The following NRXN3 variants were observed in gnomAD, a reference collection of about 807,000 sequenced individuals.
The protein encoded by NRXN3 is neurexin 3, also known as neurexin III.
A neutral mutation model predicts 137.6 loss-of-function variants in NRXN3; 32 were observed. The observed-to-expected ratio is 0.23, with a 90% CI of 0.18 to 0.31. NRXN3 has a LOEUF of 0.31. Ranked by LOEUF, NRXN3 falls within the 10% of genes least tolerant of loss-of-function variation. The probability of loss-of-function intolerance (pLI) is 1.00; values close to 1 mark genes in which losing one functional copy is unlikely to be tolerated. For missense variants in NRXN3, 1,574 were observed against 2,062.5 expected (o/e 0.76, Z 4.59); for synonymous variants, 798 against 784.5 (o/e 1.02, Z -0.29).
chr14:79,019,253 G>T (rs2938031), intron 15 of NRXN3, among the ~76,000 whole-genome samples: 3,373 of 152,220 alleles, frequency 0.022, 115 homozygotes, highest in African/African-American at 0.077. Flanking sequence ...ATGCATAGAA[G>T]ATGCCTATTC....
chr14:79,076,274 A>T (rs554727030), intron 15 of NRXN3, among the ~76,000 whole-genome samples: 1 of 152,232 alleles, frequency 6.6e-6, no homozygotes, highest in East Asian at 1.9e-4. Context: ...ATTGCTGCAT[A>T]ACAAATAACT....
intron 15 of NRXN3, among the ~76,000 whole-genome samples, chr14:79,100,405 A>G (rs1727369464): frequency 1.3e-5 from 2 of 152,246 alleles, no homozygotes; most frequent in African/African-American, 4.8e-5. Flanking sequence ...ATACTTCTCT[A>G]GCTTTGCAAT....
chr14:78,839,205 G>A (rs1249574116), intron 10 of NRXN3, among the ~76,000 whole-genome samples: 8 of 152,152 alleles, frequency 5.3e-5, no homozygotes, highest in Admixed American at 1.3e-4. Flanking sequence ...GGAGCATCAC[G>A]AAAGGCTTTG....
At chr14:79,608,461 G>A (rs542180779) in intron 16 of NRXN3, among the ~76,000 whole-genome samples, 4 of 152,322 alleles carry the variant, frequency 2.6e-5, no homozygotes, top group African/African-American at 9.6e-5. Flanking sequence ...GTGTTGTGAA[G>A]TGTCATCTTC....
chr14:79,318,829 T>C (rs2089431076), intron 15 of NRXN3, among the ~76,000 whole-genome samples: 1 of 152,226 alleles, frequency 6.6e-6, no homozygotes, highest in Non-Finnish European at 1.5e-5. Context: ...ATACTCATAT[T>C]AAATTTTTAT....
chr14:78,205,581 A>G (rs957677808), intron 1 of NRXN3, among the ~76,000 whole-genome samples: 2 of 152,252 alleles, frequency 1.3e-5, no homozygotes, highest in Admixed American at 6.5e-5. Context: ...CCAAGAGGGT[A>G]AAGAGGAGTA....
chr14:79,045,898 C>T (rs956548101), intron 15 of NRXN3, among the ~76,000 whole-genome samples: 2 of 152,104 alleles, frequency 1.3e-5, no homozygotes, highest in Admixed American at 6.5e-5. Context: ...TAAAAACTCC[C>T]AAGTGATGCT....
intron 5 of NRXN3, among the ~76,000 whole-genome samples, chr14:78,650,628 T>A (rs2097731797): frequency 6.6e-6 from 1 of 151,596 alleles, no homozygotes; most frequent in African/African-American, 2.4e-5. Flanking sequence ...CCTGAATGCA[T>A]GTTTGTCAGC....
At position 79,750,360 on chromosome 14, in the gene NRXN3, A is replaced by G. The variant is rs901024393; in HGVS notation, c.4014+52423A>G. 4.6e-5 allele frequency among the ~76,000 whole-genome samples: 7 copies of G among 152,156 alleles called. 1 individual carries two copies. Among genetic ancestry groups the G allele is most frequent in the African/African-American group, 2.4e-5 (1 of 41,444 alleles). On this transcript the variant is annotated intron_variant, in intron 19 of 20. Transcript: ENST00000335750. ...ACTGGTTAGCATTTTTTAAGTAATT[A>G]TGTGCTCAACTATGTCCTTATATTT... is the stretch of plus-strand genomic sequence containing the variant.
At chr14:78,853,089 T>G (rs2099047316) in intron 10 of NRXN3, among the ~76,000 whole-genome samples, 1 of 152,160 alleles carries the variant, frequency 6.6e-6, no homozygotes, top group South Asian at 2.1e-4. Context: ...CTATTATACT[T>G]TAAGTTTTAG....
At chr14:79,446,722 A>C (rs1383546086) in intron 15 of NRXN3, among the ~76,000 whole-genome samples, 3 of 152,128 alleles carry the variant, frequency 2.0e-5, no homozygotes, top group Non-Finnish European at 4.4e-5. Flanking sequence ...AAGTACTTTA[A>C]AGATAACTTC....
intron 10 of NRXN3, among the ~76,000 whole-genome samples, chr14:78,944,810 C>T (rs2099362050): frequency 6.6e-6 from 1 of 152,122 alleles, no homozygotes; most frequent in Non-Finnish European, 1.5e-5. Flanking sequence ...CTACAGCATC[C>T]CTAGGAAAGT....
At chr14:78,227,265 A>G (rs75869070) in intron 1 of NRXN3, among the ~76,000 whole-genome samples, 5,795 of 152,268 alleles carry the variant, frequency 0.038, 135 homozygotes, top group Non-Finnish European at 0.061. Context: ...TTAAGATTCA[A>G]TTGCATCACT....
At chr14:79,409,460 A>C (rs953540907) in intron 15 of NRXN3, among the ~76,000 whole-genome samples, 1 of 150,544 alleles carries the variant, frequency 6.6e-6, no homozygotes, top group African/African-American at 2.4e-5. Flanking sequence ...ATATGTATAC[A>C]TATACATATA....
At position 79,266,672 on chromosome 14, in the gene NRXN3, C is replaced by T. The variant is rs189794456; in HGVS notation, c.3263-200549C>T. Among the ~76,000 whole-genome samples the T allele has an allele frequency of 1.4e-4, 21 of 152,154 alleles. No homozygotes were observed. In the East Asian group the frequency reaches 3.1e-3, roughly 22 times the overall value. On this transcript the variant is annotated intron_variant, in intron 15 of 20. Coordinates refer to ENST00000335750, the MANE Select transcript of NRXN3 (RefSeq NM_001330195.2). ...AGCCATCAACTAGTAACAAGAATGG[C>T]GTAAATGTTCTAGGGACTCACTCTG...
At chr14:78,187,526 AT>A (rs760811625) in intron 1 of NRXN3, among the ~76,000 whole-genome samples, 3 of 152,136 alleles carry the variant, frequency 2.0e-5, no homozygotes, top group East Asian at 1.9e-4. Context: ...TGGTACCCAC[AT>A]GGTCTGATGT....
At chr14:79,228,793 T>A (rs1001417693) in intron 15 of NRXN3, among the ~76,000 whole-genome samples, 3 of 152,180 alleles carry the variant, frequency 2.0e-5, no homozygotes, top group African/African-American at 7.2e-5. Flanking sequence ...TTATAAAAAA[T>A]TAGACAGTCA....
At chr14:78,891,018 T>C (rs2099157376) in intron 10 of NRXN3, among the ~76,000 whole-genome samples, 1 of 151,998 alleles carries the variant, frequency 6.6e-6, no homozygotes, top group African/African-American at 2.4e-5. Context: ...TTAAGTACCA[T>C]AAAAGTTTAC....
At chr14:78,219,435 A>G (rs775676847) in intron 1 of NRXN3, among the ~76,000 whole-genome samples, 13 of 152,200 alleles carry the variant, frequency 8.5e-5, no homozygotes, top group Non-Finnish European at 1.5e-4. Flanking sequence ...CATGTAGCCC[A>G]AGTCCAAATT....
Sources: gnomAD v4.1 joint callset for allele counts (sites outside exome capture counted in the v4.1 genomes callset) on GRCh38, gnomAD v4.1.1 for gene constraint, MANE v1.5 for transcripts, NCBI Gene and HGNC (gene_info 2026-07-23, HGNC 2026-07-21) for gene names.